The following GOLIM4 variants were observed in gnomAD, a reference collection of about 807,000 sequenced individuals.
The protein encoded by GOLIM4 is golgi integral membrane protein 4.
In GOLIM4, 71 loss-of-function variants were observed where a neutral mutation model predicts 107.4. The observed-to-expected ratio is 0.66, with a 90% CI of 0.55 to 0.81. The LOEUF is 0.81. Ranked by LOEUF, GOLIM4 falls within the 30% of genes least tolerant of loss-of-function variation. The pLI, the probability that GOLIM4 is intolerant of heterozygous loss-of-function variation, is 0.00. For missense variants in GOLIM4, 830 were observed against 826.1 expected, an observed-to-expected ratio of 1.00 and a Z score of -0.06; for synonymous variants, 327 against 294.8, an observed-to-expected ratio of 1.11 and a Z score of -1.12.
At chr3:168,019,226 T>A (rs1169679663) in intron 14 of GOLIM4, among the ~76,000 whole-genome samples, 2 of 152,094 alleles carry the variant, frequency 1.3e-5, no homozygotes, top group African/African-American at 4.8e-5. Flanking sequence ...ACGAAGAAAA[T>A]CATTCAATAA....
intron 1 of GOLIM4, among the ~76,000 whole-genome samples, chr3:168,056,458 T>C (rs1719977939): frequency 6.6e-6 from 1 of 152,172 alleles, no homozygotes; most frequent in East Asian, 1.9e-4. Flanking sequence ...GCCACTGTCC[T>C]CTGGACCCCA....
intron 5 of GOLIM4, 32 bp from the exon 6 acceptor site, chr3:168,041,506 G>T: frequency 9.8e-7 from 1 of 1,024,988 alleles, no homozygotes; most frequent in Non-Finnish European, 1.5e-6. Flanking sequence ...CACACATAAA[G>T]CCTTGAAACT....
intron 1 of GOLIM4, among the ~76,000 whole-genome samples, chr3:168,074,136 C>T (rs578158568): frequency 5.3e-5 from 8 of 152,306 alleles, no homozygotes; most frequent in African/African-American, 1.7e-4. Context: ...ATCTGGACAA[C>T]AGTGAGGAAC....
At chr3:168,057,075 T>G (rs181482225) in intron 1 of GOLIM4, among the ~76,000 whole-genome samples, 51 of 152,242 alleles carry the variant, frequency 3.3e-4, no homozygotes, top group African/African-American at 1.2e-3. Context: ...CCAAATCATG[T>G]GGCAGGTCTT....
intron 1 of GOLIM4, among the ~76,000 whole-genome samples, chr3:168,082,225 T>A (rs1430763571): frequency 6.6e-6 from 1 of 152,106 alleles, no homozygotes; most frequent in Non-Finnish European, 1.5e-5. Flanking sequence ...GATCCCAACT[T>A]GAAAATGCTA....
At chr3:168,040,347 G>A (rs148715106) in intron 7 of GOLIM4, among the ~76,000 whole-genome samples, 109 of 152,222 alleles carry the variant, frequency 7.2e-4, no homozygotes, top group African/African-American at 2.4e-3. Flanking sequence ...CATAAGCCTC[G>A]TTCCAAAAGG....
At chr3:168,093,142 G>A (rs2108299886) in intron 1 of GOLIM4, among the ~76,000 whole-genome samples, 1 of 152,178 alleles carries the variant, frequency 6.6e-6, no homozygotes, top group African/African-American at 2.4e-5. Flanking sequence ...ATTTCAAAAT[G>A]AAATACTGCA....
intron 1 of GOLIM4, among the ~76,000 whole-genome samples, chr3:168,085,892 G>C (rs1413455910): frequency 6.6e-6 from 1 of 151,908 alleles, no homozygotes; most frequent in African/African-American, 2.4e-5. Flanking sequence ...GCTGTGTTGA[G>C]GGCAGGTAAT....
At position 168,044,952 on chromosome 3, in the gene GOLIM4, C is replaced by T; in HGVS notation, c.313-71G>A. On this transcript the variant is annotated intron_variant, in intron 3 of 15. Transcript: ENST00000470487. ...CTCTTGTTAAATACAGCTTAAAGCA[C>T]TTTAAAATATAACTTTATTTATTTC... The T allele has an allele frequency of 6.2e-6, 5 of 803,180 alleles. No homozygotes were observed. The South Asian group carries it at 8.6e-5, about 14-fold the overall frequency. 49.8% of individuals were successfully genotyped at this position (803,180 alleles called of 1,614,324 possible).
intron 14 of GOLIM4, among the ~76,000 whole-genome samples, chr3:168,016,526 G>GC (rs1717373488): frequency 7.5e-6 from 1 of 133,206 alleles, no homozygotes; most frequent in South Asian, 2.1e-4. Flanking sequence ...ATTTGACCCA[G>GC]CCATCCCCTT....
At chr3:168,050,904 G>A (rs1305189066) in intron 1 of GOLIM4, among the ~76,000 whole-genome samples, 1 of 150,058 alleles carries the variant, frequency 6.7e-6, no homozygotes, top group Non-Finnish European at 1.5e-5. Flanking sequence ...AAACATACAA[G>A]GCAGACTGTT....
chr3:168,063,776 A>C (rs1720393267), intron 1 of GOLIM4, among the ~76,000 whole-genome samples: 1 of 151,912 alleles, frequency 6.6e-6, no homozygotes, highest in Admixed American at 6.6e-5. Context: ...TACTGGACTT[A>C]ATGCCCAGGT....
At chr3:168,062,859 C>T (rs771506460) in intron 1 of GOLIM4, among the ~76,000 whole-genome samples, 5 of 152,110 alleles carry the variant, frequency 3.3e-5, no homozygotes, top group East Asian at 1.9e-4. Flanking sequence ...AGGATGGTGC[C>T]GGTATTTCCG....
intron 8 of GOLIM4, among the ~76,000 whole-genome samples, chr3:168,035,930 G>A (rs1402371245): frequency 6.6e-6 from 1 of 151,798 alleles, no homozygotes; most frequent in East Asian, 1.9e-4. Context: ...TATTCTTAAG[G>A]CTTAATTTTT....
At chr3:168,021,157 T>A (rs899916337) in intron 14 of GOLIM4, among the ~76,000 whole-genome samples, 3 of 152,136 alleles carry the variant, frequency 2.0e-5, no homozygotes, top group African/African-American at 7.2e-5. Context: ...GAGTCTGAAA[T>A]GGGCTTTGGC....
intron 14 of GOLIM4, among the ~76,000 whole-genome samples, chr3:168,012,652 A>G (rs1208151601): frequency 7.3e-5 from 11 of 149,990 alleles, no homozygotes; most frequent in African/African-American, 2.5e-4. Context: ...AGGTCGGGTT[A>G]CCCTCAAAGG....
chr3:168,021,529 G>A (rs1367286265), intron 14 of GOLIM4, among the ~76,000 whole-genome samples: 1 of 152,110 alleles, frequency 6.6e-6, no homozygotes, highest in Admixed American at 6.5e-5. Flanking sequence ...AGCCGGGTAT[G>A]GTGGCAGAAG....
At chr3:168,017,612 A>C (rs1717445414) in intron 14 of GOLIM4, among the ~76,000 whole-genome samples, 2 of 152,232 alleles carry the variant, frequency 1.3e-5, no homozygotes, top group African/African-American at 2.4e-5. Flanking sequence ...TATTCAAGTC[A>C]CTATCTAGAT....
intron 14 of GOLIM4, among the ~76,000 whole-genome samples, chr3:168,017,891 T>G (rs1577503497): frequency 6.6e-6 from 1 of 152,366 alleles, no homozygotes; most frequent in African/African-American, 2.4e-5. Flanking sequence ...TGTGCACTAT[T>G]ATTACTGTGT....
Sources: gnomAD v4.1 joint callset for allele counts (sites outside exome capture counted in the v4.1 genomes callset) on GRCh38, gnomAD v4.1.1 for gene constraint, MANE v1.5 for transcripts, NCBI Gene and HGNC (gene_info 2026-07-23, HGNC 2026-07-21) for gene names.